MAP2: variants seen among roughly 807,000 people sequenced by gnomAD.
The protein encoded by MAP2 is microtubule-associated protein 2.
Under a neutral mutation model 137.6 loss-of-function variants are expected in MAP2, and 14 were observed. That is an observed-to-expected ratio of 0.10 (90% CI 0.07 to 0.16). The LOEUF (loss-of-function observed/expected upper bound fraction) is 0.16. MAP2 is among the 10% of genes least tolerant of loss of function. The probability of loss-of-function intolerance (pLI) is 1.00; values close to 1 mark genes in which losing one functional copy is unlikely to be tolerated. For synonymous variants in MAP2, 786 were observed against 782.3 expected (o/e 1.00, Z -0.08); for missense variants, 2,088 against 2,191.5 (o/e 0.95, Z 0.94).
intron 2 of MAP2, among the ~76,000 whole-genome samples, chr2:209,547,537 T>C (rs2068326996): frequency 1.3e-5 from 2 of 152,204 alleles, no homozygotes; most frequent in Middle Eastern, 3.4e-3. Flanking sequence ...AAAAGTGACA[T>C]TGCTAATAAA....
intron 1 of MAP2, among the ~76,000 whole-genome samples, chr2:209,441,446 C>A (rs964069649): frequency 6.6e-6 from 1 of 151,520 alleles, no homozygotes; most frequent in African/African-American, 2.4e-5. Context: ...TCTTCCACTT[C>A]AAATGTAAAT....
intron 2 of MAP2, among the ~76,000 whole-genome samples, chr2:209,568,099 T>TA (rs1201336772): frequency 2.6e-5 from 4 of 152,016 alleles, no homozygotes; most frequent in African/African-American, 9.7e-5. Context: ...TATAAATAAA[T>TA]ACCTGCATAG....
At chr2:209,594,155 G>C (rs1403835989) in intron 3 of MAP2, among the ~76,000 whole-genome samples, 1 of 128,504 alleles carries the variant, frequency 7.8e-6, no homozygotes, top group Non-Finnish European at 1.6e-5. Context: ...AAAAAAAAAA[G>C]CAGGCATCCC....
chr2:209,479,884 A>C (rs1027181945), intron 1 of MAP2, among the ~76,000 whole-genome samples: 11 of 152,176 alleles, frequency 7.2e-5, no homozygotes, highest in Non-Finnish European at 1.6e-4. Flanking sequence ...TATGCATCAA[A>C]ATAAAATTGA....
chr2:209,477,893 A>G (rs1033103724), intron 1 of MAP2, among the ~76,000 whole-genome samples: 1 of 151,674 alleles, frequency 6.6e-6, no homozygotes, highest in African/African-American at 2.4e-5. Flanking sequence ...AGTCCCAGCT[A>G]CTGCGGAGGC....
intron 2 of MAP2, among the ~76,000 whole-genome samples, chr2:209,511,220 A>T (rs1015209182): frequency 6.6e-6 from 1 of 152,130 alleles, no homozygotes; most frequent in African/African-American, 2.4e-5. Context: ...TAAAAAGAAA[A>T]TATTGGATAT....
intron 13 of MAP2, among the ~76,000 whole-genome samples, chr2:209,723,920 G>T (rs2072658175): frequency 6.6e-6 from 1 of 152,154 alleles, no homozygotes; most frequent in African/African-American, 2.4e-5. Context: ...AGAAAACCTT[G>T]ATGGGATGCA....
chr2:209,450,437 T>G (rs1700061403), intron 1 of MAP2, among the ~76,000 whole-genome samples: 1 of 152,198 alleles, frequency 6.6e-6, no homozygotes, highest in African/African-American at 2.4e-5. Flanking sequence ...AAGTCTCCCA[T>G]GTCAATTTAC....
In MAP2 at chr2:209,695,136, C is replaced by A. The variant is rs756090589; in HGVS notation, c.2966C>A (p.Thr989Lys). 1 of 1,613,982 alleles carries A rather than the reference C, an allele frequency of 6.2e-7. No homozygotes were observed. The highest frequency in any genetic ancestry group is 8.5e-7 in the Non-Finnish European group (1 of 1,180,024). The stretch of plus-strand genomic sequence containing the variant: ...GAAGAGGCTGGTGATGAAATAGAAA[C>A]ATTCGGATTAGGAGTAACCTATGAG... The part of the protein sequence containing the change: ...KTEEAGDEIE[T>K]FGLGVTYEQA... Residue 989 changes from threonine (T) to lysine (K), a missense_variant, in exon 8 of 16, where the codon ACA (threonine) becomes AAA (lysine). Physicochemically the swap from Thr to Lys is moderately conservative, Grantham distance 78. Around this residue, in one of 6 missense-constraint regions of MAP2, gnomAD observed 500 missense variants for 482.9 expected, o/e 1.04. Coordinates refer to ENST00000682079, the MANE Select transcript of MAP2 (RefSeq NM_001375505.1).
At chr2:209,527,054 A>T (rs1331080916) in intron 2 of MAP2, among the ~76,000 whole-genome samples, 1 of 152,100 alleles carries the variant, frequency 6.6e-6, no homozygotes, top group Non-Finnish European at 1.5e-5. Context: ...CACCCTCACT[A>T]TCTGGAGCTC....
intron 1 of MAP2, among the ~76,000 whole-genome samples, chr2:209,446,980 A>G (rs762472459): frequency 6.6e-6 from 1 of 151,902 alleles, no homozygotes; most frequent in Non-Finnish European, 1.5e-5. Context: ...GTACTTCAAG[A>G]TTACCTAGGA....
intron 1 of MAP2, among the ~76,000 whole-genome samples, chr2:209,431,132 A>G (rs1210052419): frequency 6.6e-6 from 1 of 152,212 alleles, no homozygotes; most frequent in Non-Finnish European, 1.5e-5. Context: ...GAAGCTTTGT[A>G]CAATCCTGGA....
At chr2:209,677,235 C>A (rs2052255815) in intron 5 of MAP2, among the ~76,000 whole-genome samples, 1 of 151,808 alleles carries the variant, frequency 6.6e-6, no homozygotes, top group Non-Finnish European at 1.5e-5. Context: ...AAATTCTATT[C>A]CAACACTAAA....
chr2:209,451,899 T>G, intron 1 of MAP2, among the ~76,000 whole-genome samples: 1 of 152,220 alleles, frequency 6.6e-6, no homozygotes, highest in Non-Finnish European at 1.5e-5. Flanking sequence ...AACCTGATAA[T>G]AGTCACCAGT....
chr2:209,696,112 A>G lies in MAP2; in HGVS notation c.3942A>G (p.Leu1314=). ...CCCACAGCGTGCGTTTTGCAGCCCT[A>G]GAGCAGCCTGAGGTGGAAAGGAGAC... ...SGSHSVRFAA[L]EQPEVERRPS... is the part of the protein sequence containing the mutation. The change falls in exon 8 of 16, where the codon CTA becomes CTG. Residue 1314 remains leucine, a synonymous_variant. Transcript: ENST00000682079. The G allele has an allele frequency of 6.2e-7, 1 of 1,613,838 alleles. No homozygotes were observed. Among genetic ancestry groups the G allele is most frequent in the East Asian group, 2.2e-5 (1 of 44,864 alleles).
chr2:209,533,742 G>A (rs890496271), intron 2 of MAP2, among the ~76,000 whole-genome samples: 2 of 152,182 alleles, frequency 1.3e-5, no homozygotes, highest in East Asian at 1.9e-4. Flanking sequence ...ATTCAGTGAG[G>A]ATCTAAATCT....
intron 11 of MAP2, among the ~76,000 whole-genome samples, chr2:209,701,385 G>C (rs922179420): frequency 2.0e-5 from 3 of 151,478 alleles, no homozygotes; most frequent in African/African-American, 7.3e-5. Flanking sequence ...ATTATTAACT[G>C]TATTTTAATG....
chr2:209,541,465 A>T (rs565347601), intron 2 of MAP2, among the ~76,000 whole-genome samples: 2 of 151,220 alleles, frequency 1.3e-5, no homozygotes, highest in African/African-American at 2.5e-5. Flanking sequence ...TTAAAATAAG[A>T]TAACAATGAA....
chr2:209,554,519 G>A (rs2153314929), intron 2 of MAP2, among the ~76,000 whole-genome samples: 1 of 152,282 alleles, frequency 6.6e-6, no homozygotes, highest in Non-Finnish European at 1.5e-5. Context: ...CGGGTGCAGT[G>A]GCTTATGCCT....
Sources: gnomAD v4.1 joint callset for allele counts (sites outside exome capture counted in the v4.1 genomes callset) on GRCh38, gnomAD v4.1.1 for gene constraint, gnomAD v4.1.1 regional missense constraint, MANE v1.5 for transcripts, NCBI Gene and HGNC (gene_info 2026-07-23, HGNC 2026-07-21) for gene names.